The following XYLB variants were observed in gnomAD, a reference collection of about 807,000 sequenced individuals.
XYLB encodes xylulokinase, also known as xylulose kinase.
Under a neutral mutation model 78.7 loss-of-function variants are expected in XYLB, and 62 were observed. The observed-to-expected ratio is 0.79, with a 90% CI of 0.64 to 0.97. The LOEUF is 0.97. Ranked by LOEUF, XYLB falls within the 50% of genes least tolerant of loss-of-function variation. XYLB has a pLI of 0.00. For missense variants in XYLB, 687 were observed against 676.8 expected (o/e 1.02, Z -0.17); for synonymous variants, 245 against 247.4 (o/e 0.99, Z 0.09).
At chr3:38,350,716 G>A (rs927255413) in intron 2 of XYLB, among the ~76,000 whole-genome samples, 4 of 151,924 alleles carry the variant, frequency 2.6e-5, no homozygotes, top group Admixed American at 1.3e-4. Context: ...AAATTTCTCT[G>A]TAAACACAAA....
At chr3:38,451,615 CTG>C in the XYLB span, 1 of 152,608 alleles carries the variant, frequency 6.6e-6, no homozygotes, top group African/African-American at 2.4e-5. Context: ...GAGCCAAACT[CTG>C]TCTCAAAAAC....
chr3:38,441,095 G>A, the XYLB span, among the ~76,000 whole-genome samples: 6 of 151,976 alleles, frequency 3.9e-5, no homozygotes, highest in African/African-American at 1.5e-4. Context: ...TCATGGCTTT[G>A]GCAGTGTAAG....
intron 1 of XYLB, 143 bp from the exon 2 acceptor site, chr3:38,348,407 G>A (rs1257259442): frequency 1.0e-5 from 7 of 671,396 alleles, no homozygotes; most frequent in East Asian, 2.7e-5. Context: ...CCACGATTAC[G>A]GTGAGGCAGC....
chr3:38,428,974 G>T, the XYLB span, among the ~76,000 whole-genome samples: 2 of 152,198 alleles, frequency 1.3e-5, no homozygotes, highest in African/African-American at 4.8e-5. Flanking sequence ...TGTTTCCCCT[G>T]CTGGGAGACC....
At chr3:38,418,725 G>A (rs1023222120), downstream of XYLB, among the ~76,000 whole-genome samples, 1 of 152,110 alleles carries the variant, frequency 6.6e-6, no homozygotes, top group African/African-American at 2.4e-5. Flanking sequence ...TTTAGTGTAT[G>A]TCTTACACAT....
At chr3:38,397,807 C>T (rs1439471283) in intron 17 of XYLB, among the ~76,000 whole-genome samples, 1 of 148,204 alleles carries the variant, frequency 6.7e-6, no homozygotes, top group African/African-American at 2.4e-5. Flanking sequence ...CCTATTTCAG[C>T]TTATATTTTT....
At chr3:38,436,324 GA>G in the XYLB span, among the ~76,000 whole-genome samples, 1 of 152,038 alleles carries the variant, frequency 6.6e-6, no homozygotes, top group Non-Finnish European at 1.5e-5. Context: ...AAAAACAGAA[GA>G]AATGGAAAAA....
At chr3:38,370,237 A>G in intron 9 of XYLB, 63 bp downstream of exon 9, 1 of 339,234 alleles carries the variant, frequency 2.9e-6, no homozygotes, top group Non-Finnish European at 5.3e-6. Context: ...GAAGCACTGT[A>G]GCGCACACAC....
At chr3:38,378,789 G>A (rs561741726) in intron 14 of XYLB, among the ~76,000 whole-genome samples, 39 of 149,686 alleles carry the variant, frequency 2.6e-4, no homozygotes, top group African/African-American at 9.4e-4. Context: ...CACAGGGGTG[G>A]GATCTCAGCG....
chr3:38,431,110 A>G, the XYLB span, among the ~76,000 whole-genome samples: 11 of 152,182 alleles, frequency 7.2e-5, no homozygotes, highest in African/African-American at 2.4e-4. Flanking sequence ...TGGTAGCTTG[A>G]TGGGGATGGC....
intron 2 of XYLB, 43 bp from the exon 3 acceptor site, chr3:38,360,296 C>A: frequency 6.3e-7 from 1 of 1,577,922 alleles, no homozygotes. Flanking sequence ...CAATGGTCTG[C>A]CTGCCCTGAG....
chr3:38,348,094 T>C (rs1006230354), intron 1 of XYLB, among the ~76,000 whole-genome samples: 2 of 152,226 alleles, frequency 1.3e-5, no homozygotes, highest in Non-Finnish European at 2.9e-5. Context: ...CATTAATGTC[T>C]CTGGACCACA....
At chr3:38,406,138 A>G (rs1708312391) in intron 18 of XYLB, among the ~76,000 whole-genome samples, 2 of 152,196 alleles carry the variant, frequency 1.3e-5, no homozygotes, top group South Asian at 2.1e-4. Flanking sequence ...GGCACCCCCC[A>G]GTAGGGGCAG....
intron 11 of XYLB, 26 bp downstream of exon 11, chr3:38,374,528 G>A (rs373901727): frequency 1.5e-5 from 25 of 1,613,372 alleles, no homozygotes; most frequent in African/African-American, 1.1e-4. Flanking sequence ...ACACCCATAG[G>A]CTCTTTCTGT....
At chr3:38,415,588 G>C (rs1204789700), downstream of XYLB, among the ~76,000 whole-genome samples, 1 of 152,078 alleles carries the variant, frequency 6.6e-6, no homozygotes, top group African/African-American at 2.4e-5. Context: ...CTCGAGACCA[G>C]ACTGGCCAAC....
the XYLB span, among the ~76,000 whole-genome samples, chr3:38,427,383 G>A: frequency 6.6e-6 from 1 of 152,104 alleles, no homozygotes; most frequent in African/African-American, 2.4e-5. Flanking sequence ...GCATAAACTT[G>A]TTTAAATATT....
At chr3:38,357,704 T>A (rs1203871670) in intron 2 of XYLB, among the ~76,000 whole-genome samples, 1 of 152,192 alleles carries the variant, frequency 6.6e-6, no homozygotes. Context: ...TATTATTGAC[T>A]GTCTTTTTAA....
intron 6 of XYLB, among the ~76,000 whole-genome samples, chr3:38,366,313 G>C (rs704945): frequency 0.89 from 135,622 of 151,908 alleles, 61,142 homozygotes; most frequent in East Asian, 1. Flanking sequence ...TCACCTGGTG[G>C]CTTGGTCAGA....
chr3:38,385,942 G>T (rs941710023), intron 15 of XYLB, among the ~76,000 whole-genome samples: 5 of 151,846 alleles, frequency 3.3e-5, no homozygotes, highest in African/African-American at 1.2e-4. Flanking sequence ...GAAATATTAG[G>T]ATATATATAT....
Sources: gnomAD v4.1 joint callset for allele counts (sites outside exome capture counted in the v4.1 genomes callset) on GRCh38, gnomAD v4.1.1 for gene constraint, MANE v1.5 for transcripts, NCBI Gene and HGNC (gene_info 2026-07-23, HGNC 2026-07-21) for gene names.